SYN3: variants seen among roughly 807,000 people sequenced by gnomAD.
SYN3 encodes synapsin-3.
Under a neutral mutation model 65.8 loss-of-function variants are expected in SYN3, and 35 were observed. The ratio of observed to expected loss-of-function variants is 0.53; its 90% CI spans 0.41 to 0.70. SYN3 has a LOEUF of 0.70. SYN3 is among the 30% of genes least tolerant of loss of function. The pLI, the probability that SYN3 is intolerant of heterozygous loss-of-function variation, is 0.00. For missense variants in SYN3, 680 were observed against 749.0 expected (o/e 0.91, Z 1.08); for synonymous variants, 270 against 292.9 (o/e 0.92, Z 0.80).
At chr22:32,897,296 A>C (rs2049621585) in intron 4 of SYN3, among the ~76,000 whole-genome samples, 1 of 152,194 alleles carries the variant, frequency 6.6e-6, no homozygotes, top group Non-Finnish European at 1.5e-5. Flanking sequence ...CTGAGAGCTA[A>C]GGCCCACACT....
At chr22:32,814,653 A>C (rs1569245766) in intron 6 of SYN3, among the ~76,000 whole-genome samples, 1 of 152,208 alleles carries the variant, frequency 6.6e-6, no homozygotes, top group East Asian at 1.9e-4. Flanking sequence ...GAGGCTGCTA[A>C]AATAGAATGC....
intron 7 of SYN3, among the ~76,000 whole-genome samples, chr22:32,586,565 A>G (rs1329430353): frequency 6.6e-6 from 1 of 152,156 alleles, no homozygotes; most frequent in Admixed American, 6.5e-5. Flanking sequence ...AACAAAAAGC[A>G]CAAAAATGCA....
intron 7 of SYN3, among the ~76,000 whole-genome samples, chr22:32,579,969 C>T (rs891140954): frequency 1.3e-5 from 2 of 152,230 alleles, no homozygotes; most frequent in Admixed American, 6.5e-5. Context: ...GGAAGGGAGG[C>T]ACCAGAGAAG....
At chr22:32,774,741 T>C (rs1323415762) in intron 6 of SYN3, among the ~76,000 whole-genome samples, 1 of 152,172 alleles carries the variant, frequency 6.6e-6, no homozygotes, top group Non-Finnish European at 1.5e-5. Context: ...ATTACAGGCA[T>C]GTGCCACCAC....
At chr22:32,566,844 T>C (rs979092159) in intron 7 of SYN3, among the ~76,000 whole-genome samples, 5 of 152,154 alleles carry the variant, frequency 3.3e-5, no homozygotes, top group Admixed American at 6.5e-5. Flanking sequence ...GAAAGCAACA[T>C]TGAGCGCCAG....
chr22:32,731,430 C>G (rs3788487), intron 6 of SYN3, among the ~76,000 whole-genome samples: 71,944 of 152,026 alleles, frequency 0.47, 17,618 homozygotes, highest in African/African-American at 0.62. Flanking sequence ...GCCAGCCGCT[C>G]TTTCTGGGGA....
chr22:32,527,627 G>T, intron 12 of SYN3: 14 of 285,466 alleles, frequency 4.9e-5, no homozygotes, highest in Non-Finnish European at 7.2e-5. Context: ...AGGAAATAAT[G>T]ACATTTTCAC....
chr22:32,864,240 G>A (rs987002944), intron 6 of SYN3, among the ~76,000 whole-genome samples: 1 of 152,126 alleles, frequency 6.6e-6, no homozygotes, highest in African/African-American at 2.4e-5. Flanking sequence ...ACCAGTTTAC[G>A]AAGACCATCA....
chr22:32,811,493 G>C, intron 6 of SYN3, among the ~76,000 whole-genome samples: 1 of 152,148 alleles, frequency 6.6e-6, no homozygotes, highest in Admixed American at 6.5e-5. Flanking sequence ...AGAGAGCTGA[G>C]TTTCAATTCA....
intron 6 of SYN3, chr22:32,862,976 C>A (rs1247898206): frequency 6.6e-6 from 1 of 152,640 alleles, no homozygotes; most frequent in Non-Finnish European, 1.5e-5. Context: ...TGTAATGTTG[C>A]ATAATGTTCA....
intron 4 of SYN3, among the ~76,000 whole-genome samples, chr22:32,889,693 C>A (rs1240511910): frequency 6.6e-6 from 1 of 151,704 alleles, no homozygotes; most frequent in Admixed American, 6.6e-5. Flanking sequence ...ATCCAGGGAT[C>A]TTTGCATGCC....
chr22:32,752,695 C>G (rs1196230303), intron 6 of SYN3, among the ~76,000 whole-genome samples: 1 of 152,172 alleles, frequency 6.6e-6, no homozygotes, highest in Non-Finnish European at 1.5e-5. Context: ...GCAAGCAGCC[C>G]CTGCTCTCGG....
intron 6 of SYN3, among the ~76,000 whole-genome samples, chr22:32,740,635 G>T (rs942368649): frequency 1.3e-5 from 2 of 152,222 alleles, no homozygotes; most frequent in African/African-American, 4.8e-5. Flanking sequence ...TAGGAGTTTG[G>T]ACATAACCCT....
At position 32,842,049 on chromosome 22, in the gene SYN3, G is replaced by T. The variant is rs150590246; in HGVS notation, c.711+22866C>A. Among the ~76,000 whole-genome samples the T allele has an allele frequency of 1.2e-3, 180 of 152,238 alleles. 1 individual carries two copies. Among genetic ancestry groups the T allele is most frequent in the African/African-American group, 3.9e-3 (163 of 41,536 alleles). ...ACAAGCACTGCTTTGGAGAGGTTAGGGGGGAGGCTGCCTAGGTTATTGCAG... is the reference window on the plus strand; with the variant it reads ...ACAAGCACTGCTTTGGAGAGGTTAGTGGGGAGGCTGCCTAGGTTATTGCAG... On this transcript the variant is annotated intron_variant, in intron 6 of 13. Coordinates refer to ENST00000358763, the MANE Select transcript of SYN3 (RefSeq NM_003490.4).
chr22:32,578,273 G>T (rs1462709297), intron 7 of SYN3, among the ~76,000 whole-genome samples: 1 of 147,144 alleles, frequency 6.8e-6, no homozygotes, highest in Non-Finnish European at 1.5e-5. Flanking sequence ...TTCTGACAGG[G>T]TCTTACTCTG....
At position 32,965,941 on chromosome 22, in the gene SYN3, G is replaced by A. The variant is rs977667768; in HGVS notation, c.369+14704C>T. On this transcript the variant is annotated intron_variant, in intron 3 of 13. Coordinates refer to ENST00000358763, the MANE Select transcript of SYN3 (RefSeq NM_003490.4). ...GATCTCCTGACCTTGTGATCTGCCC[G>A]CCTTGGCCTCCCAAAGTGCTGGGAT... Among the ~76,000 whole-genome samples, 10 of 152,248 alleles carry A rather than the reference G, an allele frequency of 6.6e-5. No homozygotes were observed. The South Asian group carries it at 1.0e-3, about 16-fold the overall frequency.
intron 7 of SYN3, 119 bp downstream of exon 7, chr22:32,596,555 A>G (rs1022291281): frequency 3.0e-6 from 3 of 990,462 alleles, no homozygotes; most frequent in African/African-American, 1.6e-5. Context: ...GATTCTTTCT[A>G]ACACTCTGTT....
At chr22:32,842,009 T>C (rs932618865) in intron 6 of SYN3, among the ~76,000 whole-genome samples, 2 of 151,824 alleles carry the variant, frequency 1.3e-5, no homozygotes, top group Non-Finnish European at 2.9e-5. Context: ...ACCAAGAAGG[T>C]CATGGGTGAC....
chr22:32,676,054 A>G (rs2060436130), intron 6 of SYN3, among the ~76,000 whole-genome samples: 2 of 152,230 alleles, frequency 1.3e-5, no homozygotes, highest in South Asian at 4.1e-4. Context: ...CCCCAGGATG[A>G]ACTCTGAGGA....
Sources: gnomAD v4.1 joint callset for allele counts (sites outside exome capture counted in the v4.1 genomes callset) on GRCh38, gnomAD v4.1.1 for gene constraint, MANE v1.5 for transcripts, NCBI Gene and HGNC (gene_info 2026-07-23, HGNC 2026-07-21) for gene names.